CIB4: variants seen among roughly 807,000 people sequenced by gnomAD.
CIB4 encodes the protein calcium and integrin-binding family member 4.
A neutral mutation model predicts 25.8 loss-of-function variants in CIB4; 25 were observed. That is an observed-to-expected ratio of 0.97 (90% CI 0.71 to 1.35). The LOEUF is 1.35. Ranked by LOEUF, CIB4 falls within the 40% of genes most tolerant of loss-of-function variation. CIB4 has a pLI of 0.00. For missense variants in CIB4, 235 were observed against 228.2 expected (o/e 1.03, Z -0.19); for synonymous variants, 75 against 81.4 (o/e 0.92, Z 0.42).
At chr2:26,606,910 G>A (rs766640790) in intron 3 of CIB4, among the ~76,000 whole-genome samples, 8 of 152,152 alleles carry the variant, frequency 5.3e-5, no homozygotes, top group Admixed American at 3.3e-4. Flanking sequence ...GAGGCGGATC[G>A]CTAATGGAAC....
intron 3 of CIB4, among the ~76,000 whole-genome samples, chr2:26,609,222 T>A (rs1158076428): frequency 6.6e-6 from 1 of 152,088 alleles, no homozygotes; most frequent in Non-Finnish European, 1.5e-5. Context: ...TGAACAGGCC[T>A]GGGTGGAGGC....
intron 4 of CIB4, among the ~76,000 whole-genome samples, chr2:26,586,175 G>A (rs920715632): frequency 1.1e-4 from 17 of 152,128 alleles, no homozygotes; most frequent in Non-Finnish European, 2.2e-4. Flanking sequence ...TCTGTTGATC[G>A]TCATTCCTTC....
At chr2:26,616,272 A>T (rs1669090922) in intron 3 of CIB4, among the ~76,000 whole-genome samples, 2 of 152,212 alleles carry the variant, frequency 1.3e-5, no homozygotes, top group African/African-American at 2.4e-5. Context: ...CGAATGCAGC[A>T]TGGTGGCCGT....
chr2:26,606,626 C>T (rs1668895359), intron 3 of CIB4, among the ~76,000 whole-genome samples: 1 of 152,164 alleles, frequency 6.6e-6, no homozygotes, highest in East Asian at 1.9e-4. Flanking sequence ...TGACCCTCCC[C>T]AGGTAGAAAG....
At chr2:26,618,767 G>A (rs1048754688) in intron 3 of CIB4, among the ~76,000 whole-genome samples, 5 of 152,192 alleles carry the variant, frequency 3.3e-5, no homozygotes. Context: ...TCCTTCCTGG[G>A]TCCTCATGGA....
rs753910936 is a variant in CIB4, at chr2:26,629,450, G to A, written c.146C>T (p.Thr49Met). ...GGAGCTGACCTGGTCCATGGTGAGC[G>A]TTGCCTCCTTGTAGTACTTCCCAGG... The part of the protein sequence containing the change: ...CPPGKYYKEA[T>M]LTMDQVSSLP... Residue 49 changes from threonine to methionine, a missense_variant, in exon 3 of 7, where the codon ACG becomes ATG. Thr to Met is a moderately conservative substitution (Grantham distance 81). Transcript: ENST00000288861. 7.7e-5 allele frequency: 122 copies of A among 1,582,818 alleles called. 1 individual carries two copies. Among genetic ancestry groups the A allele is most frequent in the Middle Eastern group, 1.7e-4 (1 of 6,048 alleles).
At chr2:26,618,933 C>A (rs555578266) in intron 3 of CIB4, among the ~76,000 whole-genome samples, 18 of 152,306 alleles carry the variant, frequency 1.2e-4, no homozygotes, top group African/African-American at 2.9e-4. Context: ...ACCATCTGGG[C>A]CCCAGCTTTG....
intron 3 of CIB4, among the ~76,000 whole-genome samples, chr2:26,614,415 G>A (rs919528627): frequency 2.6e-5 from 4 of 152,210 alleles, no homozygotes; most frequent in Non-Finnish European, 4.4e-5. Flanking sequence ...GGGAATTCAG[G>A]CACGAGCAAT....
intron 3 of CIB4, chr2:26,623,401 C>A (rs1227825354): frequency 8.2e-6 from 3 of 363,912 alleles, no homozygotes; most frequent in African/African-American, 6.3e-5. Context: ...ACTACCATTC[C>A]CACCCCACCT....
chr2:26,606,199 C>T (rs1466473392), intron 3 of CIB4, among the ~76,000 whole-genome samples: 1 of 152,228 alleles, frequency 6.6e-6, no homozygotes, highest in Non-Finnish European at 1.5e-5. Context: ...ATGATGCAGA[C>T]GCTGCCACTG....
At chr2:26,641,108 G>T (rs1669627383) in intron 1 of CIB4, among the ~76,000 whole-genome samples, 153 bp downstream of exon 1, 1 of 152,068 alleles carries the variant, frequency 6.6e-6, no homozygotes, top group East Asian at 1.9e-4. Context: ...TGTATTTTAT[G>T]TGTGGCCCAA....
At chr2:26,620,284 G>A (rs1457939687) in intron 3 of CIB4, among the ~76,000 whole-genome samples, 2 of 152,230 alleles carry the variant, frequency 1.3e-5, no homozygotes, top group African/African-American at 4.8e-5. Flanking sequence ...TCTGCGACTG[G>A]AAGTCCCTGG....
intron 3 of CIB4, among the ~76,000 whole-genome samples, chr2:26,608,973 A>G (rs1668946503): frequency 6.6e-6 from 1 of 151,834 alleles, no homozygotes; most frequent in Non-Finnish European, 1.5e-5. Context: ...TCCCTCTTCT[A>G]ATTTCTGCCA....
chr2:26,625,669 C>T (rs1669290261), intron 3 of CIB4, among the ~76,000 whole-genome samples: 1 of 151,222 alleles, frequency 6.6e-6, no homozygotes, highest in Admixed American at 6.6e-5. Context: ...ACAGGCTCCA[C>T]CCCCCCACTG....
At chr2:26,596,589 C>CA (rs917986473) in intron 3 of CIB4, among the ~76,000 whole-genome samples, 12 of 151,644 alleles carry the variant, frequency 7.9e-5, no homozygotes, top group Admixed American at 3.9e-4. Flanking sequence ...ACTAACAATA[C>CA]AAAAAAAATT....
chr2:26,602,462 T>G (rs1668810923), intron 3 of CIB4, among the ~76,000 whole-genome samples: 1 of 152,062 alleles, frequency 6.6e-6, no homozygotes, highest in African/African-American at 2.4e-5. Flanking sequence ...AATAACAAGT[T>G]ATAAGTAAGA....
intron 3 of CIB4, among the ~76,000 whole-genome samples, chr2:26,601,015 TCTGAGA>T (rs1441411708): frequency 4.0e-5 from 6 of 151,358 alleles, no homozygotes; most frequent in African/African-American, 1.5e-4. Flanking sequence ...CAGTCCAGAG[TCTGAGA>T]CCAGACTAGG....
chr2:26,613,404 C>T (rs1341512012), intron 3 of CIB4, among the ~76,000 whole-genome samples: 1 of 152,180 alleles, frequency 6.6e-6, no homozygotes, highest in African/African-American at 2.4e-5. Flanking sequence ...CACCTTCCCT[C>T]TAAGCCCCTG....
At chr2:26,636,717 A>C (rs1669539715) in intron 2 of CIB4, among the ~76,000 whole-genome samples, 1 of 152,156 alleles carries the variant, frequency 6.6e-6, no homozygotes, top group Non-Finnish European at 1.5e-5. Context: ...TGCATGACAA[A>C]AAGTATTGTT....
Sources: allele counts gnomAD v4.1 joint callset (sites outside exome capture counted in the v4.1 genomes callset), GRCh38; gene constraint gnomAD v4.1.1; transcripts MANE v1.5; gene names NCBI Gene and HGNC (gene_info 2026-07-23, HGNC 2026-07-21).